PPFIA2: variants seen among roughly 807,000 people sequenced by gnomAD.
PPFIA2 encodes liprin-alpha-2.
PPFIA2 carries 46 observed loss-of-function variants against 175.5 expected under a neutral mutation model. The ratio of observed to expected loss-of-function variants is 0.26; its 90% CI spans 0.21 to 0.34. The LOEUF (loss-of-function observed/expected upper bound fraction) is 0.34, where lower values mean the gene tolerates loss of function less well. Among genes scored for constraint, PPFIA2 ranks in the 10% least tolerant of loss-of-function variants. The pLI, the probability that PPFIA2 is intolerant of heterozygous loss-of-function variation, is 1.00. For synonymous variants in PPFIA2, 568 were observed against 511.4 expected (o/e 1.11, Z -1.49); for missense variants, 1,179 against 1,506.1 (o/e 0.78, Z 3.60).
At chr12:81,344,446 T>G (rs2058689824) in intron 19 of PPFIA2, among the ~76,000 whole-genome samples, 1 of 151,276 alleles carries the variant, frequency 6.6e-6, no homozygotes, top group African/African-American at 2.4e-5. Flanking sequence ...AACAGGATAT[T>G]ATGGTTCTTA....
chr12:81,578,143 AT>A (rs1449627642), intron 4 of PPFIA2, among the ~76,000 whole-genome samples: 1 of 151,724 alleles, frequency 6.6e-6, no homozygotes, highest in Non-Finnish European at 1.5e-5. Flanking sequence ...GTCTTTAAGC[AT>A]GGTAGCTGGT....
chr12:81,557,656 T>C (rs1400072120), intron 4 of PPFIA2, among the ~76,000 whole-genome samples: 2 of 152,050 alleles, frequency 1.3e-5, no homozygotes, highest in African/African-American at 4.8e-5. Flanking sequence ...TTAAAACTAG[T>C]CTTTGTATAG....
chr12:81,426,642 A>G (rs929570645), intron 7 of PPFIA2, among the ~76,000 whole-genome samples: 2 of 152,050 alleles, frequency 1.3e-5, no homozygotes, highest in African/African-American at 4.8e-5. Flanking sequence ...AAGTCAATTA[A>G]TGTATATCTT....
chr12:81,341,745 A>T (rs998791529), intron 19 of PPFIA2, among the ~76,000 whole-genome samples: 1 of 152,120 alleles, frequency 6.6e-6, no homozygotes, highest in Non-Finnish European at 1.5e-5. Flanking sequence ...TTGATCTATG[A>T]TATTTTATAA....
intron 4 of PPFIA2, chr12:81,535,334 G>A (rs2065219970): frequency 2.2e-6 from 1 of 451,340 alleles, no homozygotes; most frequent in Admixed American, 2.4e-5. Flanking sequence ...TCCGGAGTTT[G>A]GGAACTCTTG....
intron 7 of PPFIA2, among the ~76,000 whole-genome samples, chr12:81,416,571 A>T (rs1331542737): frequency 6.6e-6 from 1 of 151,724 alleles, no homozygotes; most frequent in Non-Finnish European, 1.5e-5. Flanking sequence ...AAAAAGGGAA[A>T]TAGGTGTCTC....
intron 25 of PPFIA2, among the ~76,000 whole-genome samples, chr12:81,283,486 G>T (rs568123385): frequency 6.6e-6 from 1 of 151,816 alleles, no homozygotes; most frequent in African/African-American, 2.4e-5. Context: ...TTCAACAACA[G>T]CCAACAAAAC....
At chr12:81,281,504 T>C (rs2042083153) in intron 26 of PPFIA2, 54 bp from the exon 27 acceptor site, 5 of 1,207,706 alleles carry the variant, frequency 4.1e-6, no homozygotes, top group Non-Finnish European at 5.9e-6. Context: ...AAGATGGTAA[T>C]TGGATAATAT....
At chr12:81,584,719 A>G (rs912024242) in intron 4 of PPFIA2, among the ~76,000 whole-genome samples, 40 of 147,870 alleles carry the variant, frequency 2.7e-4, no homozygotes, top group African/African-American at 9.2e-4. Context: ...TAGTAATTGT[A>G]TATCTAAATA....
chr12:81,425,248 C>T (rs895943434), intron 7 of PPFIA2, among the ~76,000 whole-genome samples: 4 of 152,206 alleles, frequency 2.6e-5, no homozygotes, highest in African/African-American at 9.6e-5. Context: ...TTTCTGAGAA[C>T]GATAAAACAG....
chr12:81,545,937 C>G (rs1693957503), intron 4 of PPFIA2: 1 of 151,940 alleles, frequency 6.6e-6, no homozygotes, highest in Admixed American at 6.6e-5. Context: ...CCAGCATGGC[C>G]AACATGGTGA....
intron 7 of PPFIA2, among the ~76,000 whole-genome samples, chr12:81,407,481 T>TTAAAA (rs10645878): frequency 0.52 from 67,441 of 130,464 alleles, 18,483 homozygotes; most frequent in Non-Finnish European, 0.6. Flanking sequence ...AGACTCTGTC[T>TTAAAA]TAAAATAAAA....
intron 4 of PPFIA2, among the ~76,000 whole-genome samples, chr12:81,541,775 A>C (rs2066252758): frequency 6.6e-6 from 1 of 152,082 alleles, no homozygotes; most frequent in South Asian, 2.1e-4. Flanking sequence ...TCAGGAGTTG[A>C]CTTGTTCCAG....
At chr12:81,710,485 C>T (rs983665314) in intron 3 of PPFIA2, among the ~76,000 whole-genome samples, 1 of 151,986 alleles carries the variant, frequency 6.6e-6, no homozygotes, top group African/African-American at 2.4e-5. Flanking sequence ...ATTACAGTGA[C>T]ATGTAAATGA....
intron 4 of PPFIA2, among the ~76,000 whole-genome samples, chr12:81,464,381 T>C (rs751379330): frequency 1.1e-4 from 16 of 152,132 alleles, no homozygotes; most frequent in Admixed American, 3.3e-4. Flanking sequence ...ACCCATTCTA[T>C]TGTATGGCAA....
intron 22 of PPFIA2, among the ~76,000 whole-genome samples, chr12:81,307,534 T>A (rs1255086521): frequency 6.6e-6 from 1 of 152,202 alleles, no homozygotes; most frequent in African/African-American, 2.4e-5. Context: ...CAATGTTATA[T>A]CTAACATTCA....
intron 5 of PPFIA2, among the ~76,000 whole-genome samples, chr12:81,453,203 A>T (rs1593223546): frequency 7.5e-6 from 1 of 132,896 alleles, no homozygotes; most frequent in Non-Finnish European, 1.5e-5. Context: ...TGTCCATGTG[A>T]TCTCATTGTT....
At chr12:81,573,027 G>C (rs2072854811) in intron 4 of PPFIA2, among the ~76,000 whole-genome samples, 1 of 151,920 alleles carries the variant, frequency 6.6e-6, no homozygotes, top group South Asian at 2.1e-4. Flanking sequence ...GAGAGAGAGA[G>C]AGAGACTGAG....
At chr12:81,562,749 A>C (rs187488547) in intron 4 of PPFIA2, among the ~76,000 whole-genome samples, 8,054 of 142,998 alleles carry the variant, frequency 0.056, 394 homozygotes, top group African/African-American at 0.13. Context: ...TGGGAGGCTG[A>C]GGCAGGAGAA....
Sources: allele counts gnomAD v4.1 joint callset (sites outside exome capture counted in the v4.1 genomes callset), GRCh38; gene constraint gnomAD v4.1.1; transcripts MANE v1.5; gene names NCBI Gene and HGNC (gene_info 2026-07-23, HGNC 2026-07-21).